Variants in ZNF609 observed in about 807,000 individuals in gnomAD.
ZNF609 encodes the protein zinc finger protein 609.
Under a neutral mutation model 109.5 loss-of-function variants are expected in ZNF609, and 11 were observed. The observed-to-expected ratio is 0.10, with a 90% confidence interval of 0.06 to 0.17. The LOEUF (loss-of-function observed/expected upper bound fraction) is 0.17. ZNF609 is among the 10% of genes least tolerant of loss of function. The probability of loss-of-function intolerance (pLI) is 1.00; values close to 1 mark genes in which losing one functional copy is unlikely to be tolerated. For missense variants in ZNF609, 1,559 were observed against 1,772.4 expected (o/e 0.88, Z 2.16); for synonymous variants, 646 against 662.0 (o/e 0.98, Z 0.37).
chr15:64,647,330 A>G (rs192268546), intron 3 of ZNF609, among the ~76,000 whole-genome samples: 154 of 152,280 alleles, frequency 1.0e-3, no homozygotes, highest in African/African-American at 3.7e-3. Flanking sequence ...TTATTGCTTA[A>G]TGGCTACAAA....
intron 5 of ZNF609, among the ~76,000 whole-genome samples, chr15:64,677,072 G>A (rs1896819872): frequency 6.6e-6 from 1 of 150,864 alleles, no homozygotes; most frequent in Non-Finnish European, 1.5e-5. Context: ...TTATTTTTAT[G>A]TTTTTATAGA....
At chr15:64,526,422 C>A (rs79866634) in intron 2 of ZNF609, among the ~76,000 whole-genome samples, 2 of 151,978 alleles carry the variant, frequency 1.3e-5, no homozygotes, top group Admixed American at 6.6e-5. Context: ...TTACTTACAA[C>A]CTCGATGTCT....
At chr15:64,497,409 G>C (rs1893496292) in intron 1 of ZNF609, among the ~76,000 whole-genome samples, 1 of 152,032 alleles carries the variant, frequency 6.6e-6, no homozygotes, top group African/African-American at 2.4e-5. Flanking sequence ...CCCCTCCTTT[G>C]CTCTTCTACT....
chr15:64,649,412 A>T (rs1896382750), intron 3 of ZNF609, among the ~76,000 whole-genome samples: 1 of 152,120 alleles, frequency 6.6e-6, no homozygotes, highest in Admixed American at 6.6e-5. Flanking sequence ...TCTCACACAC[A>T]CATGCACACA....
chr15:64,520,277 T>G (rs1893872775), intron 2 of ZNF609, among the ~76,000 whole-genome samples: 1 of 152,114 alleles, frequency 6.6e-6, no homozygotes, highest in Non-Finnish European at 1.5e-5. Context: ...GTAGGATGTT[T>G]CACAGCATCC....
intron 3 of ZNF609, among the ~76,000 whole-genome samples, chr15:64,627,028 G>A (rs1255258782): frequency 6.6e-6 from 1 of 151,992 alleles, no homozygotes; most frequent in Non-Finnish European, 1.5e-5. Flanking sequence ...GGCCAACATG[G>A]CAAAACCCCG....
intron 2 of ZNF609, chr15:64,501,970 G>A (rs1595700626): frequency 1.3e-5 from 2 of 152,350 alleles, no homozygotes; most frequent in East Asian, 3.9e-4. Context: ...TGGGCTGAAA[G>A]ATGCAGTATG....
intron 2 of ZNF609, among the ~76,000 whole-genome samples, chr15:64,541,027 C>CAAA (rs1287975678): frequency 5.6e-5 from 3 of 53,668 alleles, no homozygotes; most frequent in African/African-American, 1.4e-4. Context: ...GACTCTGTCT[C>CAAA]AAAAAAAAAA....
intron 3 of ZNF609, among the ~76,000 whole-genome samples, chr15:64,636,643 G>C (rs1196100516): frequency 2.0e-5 from 3 of 152,156 alleles, no homozygotes; most frequent in African/African-American, 4.8e-5. Context: ...TTACTCCTTA[G>C]AATTATACAG....
intron 1 of ZNF609, among the ~76,000 whole-genome samples, chr15:64,492,243 A>G (rs2140345341): frequency 6.6e-6 from 1 of 152,316 alleles, no homozygotes; most frequent in East Asian, 1.9e-4. Context: ...ACTCTGTCTC[A>G]AAGAAAAGAA....
At position 64,490,696 on chromosome 15, in the gene ZNF609, A is replaced by G. The variant is rs947669637; in HGVS notation, c.-127-8597A>G. On this transcript the variant is annotated intron_variant, in intron 1 of 9. Transcript: ENST00000326648. ...GATCACTTTCACCAAATGAATCTCT[A>G]AAGGGTCAGGACTGAATTATTTACA... 3.3e-5 allele frequency among the ~76,000 whole-genome samples: 5 copies of G among 152,294 alleles called. No homozygotes were observed. The East Asian group carries it at 9.7e-4, about 29-fold the overall frequency.
chr15:64,532,199 T>G (rs1894072515), intron 2 of ZNF609, among the ~76,000 whole-genome samples: 1 of 152,212 alleles, frequency 6.6e-6, no homozygotes, highest in South Asian at 2.1e-4. Flanking sequence ...CTCTCTCAAG[T>G]CTTCACTCAA....
intron 2 of ZNF609, among the ~76,000 whole-genome samples, chr15:64,615,846 A>G (rs1663501833): frequency 6.6e-6 from 1 of 152,190 alleles, no homozygotes; most frequent in Admixed American, 6.5e-5. Context: ...CTGAACATTC[A>G]TGTACCAACA....
chr15:64,510,752 T>G (rs1893712934), intron 2 of ZNF609, among the ~76,000 whole-genome samples: 1 of 152,114 alleles, frequency 6.6e-6, no homozygotes, highest in Non-Finnish European at 1.5e-5. Context: ...CCCTAAAATG[T>G]TTGTTGTCCA....
At chr15:64,603,947 G>A (rs979427144) in intron 2 of ZNF609, among the ~76,000 whole-genome samples, 2 of 138,754 alleles carry the variant, frequency 1.4e-5, no homozygotes, top group South Asian at 2.3e-4. Context: ...GCAGTAAGCC[G>A]AGATCACACC....
rs1285728762 is a variant in ZNF609, at chr15:64,600,479, CAG to C, written c.748-22346_748-22345del. Among the ~76,000 whole-genome samples the C allele has an allele frequency of 3.8e-5, 5 of 131,510 alleles. No individual in the cohort carries two copies. In the East Asian group the frequency reaches 8.9e-4, roughly 23 times the overall value. 86.3% of individuals were successfully genotyped at this position (131,510 alleles called of 152,430 possible). A position where few individuals can be genotyped will look rare whatever the true frequency, so the allele number is the denominator to read the frequency against. Reference sequence around the variant, plus strand: ...AAAAAAAAAAAAAGAAAAAAAAAAACAGAAAAATTAGCCAGGTGTGGTGGCAG... The same window carrying C: ...AAAAAAAAAAAAAGAAAAAAAAAAACAAAAATTAGCCAGGTGTGGTGGCAG... On this transcript the variant is annotated intron_variant, in intron 2 of 9. Transcript: ENST00000326648.
intron 2 of ZNF609, among the ~76,000 whole-genome samples, chr15:64,531,178 A>G (rs1297837749): frequency 1.3e-5 from 2 of 152,164 alleles, no homozygotes; most frequent in Non-Finnish European, 2.9e-5. Flanking sequence ...TATTATGGGC[A>G]AGATGGCAGA....
At chr15:64,473,031 A>G (rs1327889824) in intron 1 of ZNF609, among the ~76,000 whole-genome samples, 1 of 152,054 alleles carries the variant, frequency 6.6e-6, no homozygotes, top group Non-Finnish European at 1.5e-5. Context: ...TATGACATAT[A>G]TATCTGAAGG....
rs1398265274 is a variant in ZNF609 at position 64,460,699 on chromosome 15, G to A, written c.-267G>A. 2.1e-5 allele frequency: 3 copies of A among 146,000 alleles called. No individual in the cohort carries two copies. The highest frequency in any genetic ancestry group is 4.1e-4 in the East Asian group (2 of 4,868). 9.0% of individuals were successfully genotyped at this position (146,000 alleles called of 1,614,324 possible). A position where few individuals can be genotyped will look rare whatever the true frequency, so the allele number is the denominator to read the frequency against. On this transcript the variant is annotated 5_prime_UTR_variant, in exon 1 of 10. Transcript: ENST00000326648. Reference sequence around the variant, plus strand: ...GGGGAGGGGGCAGAGAGCCAGAGCCGGAGCCGGAGCCGGAGCCGGGGTGGG... The same window carrying A: ...GGGGAGGGGGCAGAGAGCCAGAGCCAGAGCCGGAGCCGGAGCCGGGGTGGG...
Sources: allele counts gnomAD v4.1 joint callset (sites outside exome capture counted in the v4.1 genomes callset), GRCh38; gene constraint gnomAD v4.1.1; transcripts MANE v1.5; gene names NCBI Gene and HGNC (gene_info 2026-07-23, HGNC 2026-07-21).